The following CNTNAP2 variants were observed in gnomAD, a reference collection of about 807,000 sequenced individuals.
The protein encoded by CNTNAP2 is contactin-associated protein-like 2.
CNTNAP2 carries 98 observed loss-of-function variants against 155.2 expected under a neutral mutation model. The observed-to-expected ratio is 0.63, with a 90% CI of 0.54 to 0.75. The LOEUF is 0.75. Ranked by LOEUF, CNTNAP2 falls within the 30% of genes least tolerant of loss-of-function variation. The pLI is 0.00. For missense variants in CNTNAP2, 1,727 were observed against 1,688.1 expected, an observed-to-expected ratio of 1.02 and a Z score of -0.40; for synonymous variants, 651 against 631.2, an observed-to-expected ratio of 1.03 and a Z score of -0.47.
intron 1 of CNTNAP2, among the ~76,000 whole-genome samples, chr7:146,377,145 T>G (rs911294510): frequency 1.7e-4 from 26 of 152,202 alleles, no homozygotes; most frequent in African/African-American, 6.3e-4. Flanking sequence ...TGAGTCTAAG[T>G]TCCATTTCAT....
intron 8 of CNTNAP2, among the ~76,000 whole-genome samples, chr7:147,274,016 CACAT>C (rs932171384): frequency 5.3e-5 from 8 of 149,904 alleles, no homozygotes; most frequent in Middle Eastern, 3.5e-3. Context: ...CATATATACA[CACAT>C]ATATATAATA....
intron 6 of CNTNAP2, 184 bp downstream of exon 6, chr7:147,121,347 G>A (rs1287255023): frequency 6.7e-6 from 4 of 595,358 alleles, no homozygotes; most frequent in Non-Finnish European, 1.1e-5. Flanking sequence ...TTATAATCAT[G>A]AGTACTTGAA....
intron 4 of CNTNAP2, among the ~76,000 whole-genome samples, chr7:147,059,106 C>A (rs1799615874): frequency 6.6e-6 from 1 of 152,138 alleles, no homozygotes; most frequent in South Asian, 2.1e-4. Flanking sequence ...TTAGGGTTGT[C>A]ATAAGAATTT....
At chr7:146,566,298 T>C (rs1021998311) in intron 1 of CNTNAP2, among the ~76,000 whole-genome samples, 6 of 152,248 alleles carry the variant, frequency 3.9e-5, no homozygotes, top group Non-Finnish European at 7.3e-5. Context: ...AAGATTTATC[T>C]TTCAATTTCC....
chr7:148,038,677 T>G (rs1322188026), intron 15 of CNTNAP2, among the ~76,000 whole-genome samples: 1 of 152,198 alleles, frequency 6.6e-6, no homozygotes, highest in South Asian at 2.1e-4. Flanking sequence ...ATTGGATTTA[T>G]GTAAGAGCTT....
chr7:146,163,298 A>G (rs1798253710), intron 1 of CNTNAP2, among the ~76,000 whole-genome samples: 1 of 151,522 alleles, frequency 6.6e-6, no homozygotes, highest in South Asian at 2.1e-4. Context: ...GGTGAGCCAG[A>G]CGAGGTGGCT....
intron 1 of CNTNAP2, among the ~76,000 whole-genome samples, chr7:146,465,074 T>C (rs186251278): frequency 3.9e-5 from 6 of 152,136 alleles, no homozygotes; most frequent in Non-Finnish European, 8.8e-5. Flanking sequence ...TCAGAAGCCC[T>C]GCCCATCACC....
chr7:147,642,529 C>G (rs968590657), intron 13 of CNTNAP2, among the ~76,000 whole-genome samples: 9 of 152,172 alleles, frequency 5.9e-5, no homozygotes, highest in African/African-American at 2.2e-4. Context: ...CACATAACCA[C>G]TCTCCTTTAC....
intron 1 of CNTNAP2, among the ~76,000 whole-genome samples, chr7:146,387,627 G>A (rs1472953896): frequency 6.6e-6 from 1 of 152,160 alleles, no homozygotes; most frequent in African/African-American, 2.4e-5. Flanking sequence ...GACTGGTTGT[G>A]CCCAAACCCT....
chr7:146,153,511 T>C (rs973046757), intron 1 of CNTNAP2, among the ~76,000 whole-genome samples: 2 of 152,148 alleles, frequency 1.3e-5, no homozygotes, highest in South Asian at 2.1e-4. Flanking sequence ...GTGGATCACG[T>C]AGAATAAGGC....
chr7:148,134,720 T>G (rs1804902102), intron 16 of CNTNAP2, among the ~76,000 whole-genome samples: 1 of 152,236 alleles, frequency 6.6e-6, no homozygotes, highest in African/African-American at 2.4e-5. Flanking sequence ...GAGTTGCTTA[T>G]AAAGTCACCA....
At chr7:148,386,498 T>C (rs2116665728) in intron 22 of CNTNAP2, among the ~76,000 whole-genome samples, 1 of 152,084 alleles carries the variant, frequency 6.6e-6, no homozygotes, top group East Asian at 1.9e-4. Flanking sequence ...ACTGCAAGAC[T>C]CTGTCTCAAA....
intron 11 of CNTNAP2, among the ~76,000 whole-genome samples, chr7:147,500,826 T>C (rs1484280189): frequency 2.0e-5 from 3 of 152,180 alleles, no homozygotes; most frequent in Non-Finnish European, 4.4e-5. Flanking sequence ...TAGTACATGA[T>C]ATTCTTTATG....
chr7:146,733,614 G>C (rs919100034), intron 1 of CNTNAP2, among the ~76,000 whole-genome samples: 1 of 151,966 alleles, frequency 6.6e-6, no homozygotes, highest in Non-Finnish European at 1.5e-5. Context: ...TTCCTATAGC[G>C]AATAAACTGA....
intron 13 of CNTNAP2, among the ~76,000 whole-genome samples, chr7:147,873,771 C>G (rs58848145): frequency 1.3e-5 from 2 of 152,028 alleles, no homozygotes; most frequent in African/African-American, 4.8e-5. Flanking sequence ...AAATCTCATC[C>G]GAGACAAGGC....
At chr7:147,238,707 T>C (rs1803871207) in intron 8 of CNTNAP2, among the ~76,000 whole-genome samples, 4 of 152,194 alleles carry the variant, frequency 2.6e-5, no homozygotes, top group African/African-American at 9.6e-5. Flanking sequence ...TATTTCTTCA[T>C]TTAGATGTAT....
chr7:147,775,284 AATAT>A lies in CNTNAP2; in HGVS notation c.2099-128274_2099-128271del, dbSNP rs1175635782. Among the ~76,000 whole-genome samples, 344 of 80,832 alleles carry A rather than the reference AATAT, an allele frequency of 4.3e-3. 10 individuals carry two copies. Among genetic ancestry groups the A allele is most frequent in the African/African-American group, 0.017 (314 of 18,022 alleles). The allele number at this position is 80,832 out of a possible 152,430, so 53.0% of individuals were successfully genotyped here. A position where few individuals can be genotyped will look rare whatever the true frequency, so the allele number is the denominator to read the frequency against. On this transcript the variant is annotated intron_variant, in intron 13 of 23. Coordinates refer to ENST00000361727, the MANE Select transcript of CNTNAP2 (RefSeq NM_014141.6). ...AAATATATTTATATATATATTTATA[AATAT>A]ATATATTTATATATATTTATAAATA...
chr7:148,354,663 C>A (rs979816012), intron 21 of CNTNAP2, among the ~76,000 whole-genome samples: 32 of 150,602 alleles, frequency 2.1e-4, no homozygotes, highest in African/African-American at 7.3e-4. Flanking sequence ...TTCCCTGGGA[C>A]AACTTCCCTA....
intron 1 of CNTNAP2, among the ~76,000 whole-genome samples, chr7:146,721,738 T>G (rs1372696955): frequency 4.8e-5 from 6 of 125,588 alleles, no homozygotes; most frequent in Admixed American, 8.0e-5. Flanking sequence ...ACATTATATA[T>G]TCTATATATA....
Sources: allele counts gnomAD v4.1 joint callset (sites outside exome capture counted in the v4.1 genomes callset), GRCh38; gene constraint gnomAD v4.1.1; transcripts MANE v1.5; gene names NCBI Gene and HGNC (gene_info 2026-07-23, HGNC 2026-07-21).